The following MAN2B2 variants were observed in gnomAD, a reference collection of about 807,000 sequenced individuals.
MAN2B2 encodes the protein mannosidase alpha class 2B member 2.
Under a neutral mutation model 117.1 loss-of-function variants are expected in MAN2B2, and 106 were observed. The observed-to-expected ratio is 0.90, with a 90% CI of 0.77 to 1.06. The LOEUF (loss-of-function observed/expected upper bound fraction) is 1.06, where lower values mean the gene tolerates loss of function less well. Ranked by LOEUF, MAN2B2 falls within the 50% of genes least tolerant of loss-of-function variation. MAN2B2 has a pLI of 0.00. For synonymous variants in MAN2B2, 544 were observed against 595.1 expected (o/e 0.91, Z 1.25); for missense variants, 1,326 against 1,381.4 (o/e 0.96, Z 0.64).
At chr4:6,614,860 T>C (rs548637706) in intron 16 of MAN2B2, among the ~76,000 whole-genome samples, 1 of 152,336 alleles carries the variant, frequency 6.6e-6, no homozygotes, top group East Asian at 1.9e-4. Context: ...GCGCTTGGTC[T>C]AGAGCAGAAG....
intron 8 of MAN2B2, among the ~76,000 whole-genome samples, chr4:6,597,823 A>G (rs1350366811): frequency 6.6e-6 from 1 of 152,238 alleles, no homozygotes; most frequent in Non-Finnish European, 1.5e-5. Context: ...GACCCAAGAC[A>G]GCCTGTAACT....
chr4:6,586,872 C>T (rs1577276051), intron 3 of MAN2B2, 124 bp from the exon 4 acceptor site: 8 of 774,070 alleles, frequency 1.0e-5, no homozygotes, highest in Non-Finnish European at 1.5e-5. Flanking sequence ...TTCTGCATGA[C>T]CCTGCCTGGC....
In MAN2B2 at chr4:6,594,737, A is replaced by G. The variant is rs200780291; in HGVS notation, c.1057+5A>G. 1.9e-6 allele frequency: 3 copies of G among 1,607,180 alleles called. No individual in the cohort carries two copies. Among genetic ancestry groups the G allele is most frequent in the East Asian group, 2.2e-5 (1 of 44,616 alleles). On this transcript the variant is annotated splice_donor_5th_base_variant and intron_variant, in intron 7 of 18. Transcript: ENST00000285599. Reference sequence around the variant, plus strand: ...ACTTCCTGCCCTATTCCACAGGTACAGGCTTCCAGGGGCTGGGGTGGTAGT... The same window carrying G: ...ACTTCCTGCCCTATTCCACAGGTACGGGCTTCCAGGGGCTGGGGTGGTAGT...
chr4:6,619,857 G>A, intron 17 of MAN2B2, 70 bp from the exon 18 acceptor site: 1 of 1,404,832 alleles, frequency 7.1e-7, no homozygotes, highest in Non-Finnish European at 1.0e-6. Context: ...CTGCCCTGCT[G>A]CTGTCTTGGT....
At chr4:6,579,265 CCA>C (rs1726286876) in intron 3 of MAN2B2, among the ~76,000 whole-genome samples, 1 of 91,698 alleles carries the variant, frequency 1.1e-5, no homozygotes, top group African/African-American at 3.8e-5. Context: ...ATCACCACCA[CCA>C]CCATCACCAC....
chr4:6,606,019 C>T (rs1396420011), intron 11 of MAN2B2, among the ~76,000 whole-genome samples: 2 of 152,246 alleles, frequency 1.3e-5, no homozygotes, highest in African/African-American at 4.8e-5. Flanking sequence ...GTTTATCCTT[C>T]CTAGGCCACG....
At chr4:6,583,308 G>A (rs569734596) in intron 3 of MAN2B2, among the ~76,000 whole-genome samples, 2 of 152,316 alleles carry the variant, frequency 1.3e-5, no homozygotes, top group East Asian at 1.9e-4. Context: ...TTTGCTCCCA[G>A]TCCATTGGCC....
chr4:6,585,024 C>T (rs1408857333), intron 3 of MAN2B2, among the ~76,000 whole-genome samples: 1 of 152,170 alleles, frequency 6.6e-6, no homozygotes, highest in Non-Finnish European at 1.5e-5. Context: ...CTTCATCCTG[C>T]AGCTGGCACT....
chr4:6,609,146 G>C lies in MAN2B2; in HGVS notation c.1854G>C (p.Leu618=). 6.2e-7 allele frequency: 1 copy of C among 1,614,194 alleles called. No homozygotes were observed. Among genetic ancestry groups the C allele is most frequent in the Non-Finnish European group, 8.5e-7 (1 of 1,180,024 alleles). Residue 618 remains leucine (L), a synonymous_variant, in exon 12 of 19, where the codon CTG becomes CTC. Transcript: ENST00000285599. ...NRTVRVTQEF[L]EYHVNGDVKQ... The stretch of plus-strand genomic sequence containing the variant: ...CGGTGCGCGTGACCCAGGAATTCCT[G>C]GAGTACCACGTCAACGGGGATGTGA...
At position 6,620,014 on chromosome 4, in the gene MAN2B2, A is replaced by C. The variant is rs1360121826; in HGVS notation, c.2902A>C (p.Ser968Arg). 6.2e-7 allele frequency: 1 copy of C among 1,613,602 alleles called. No individual in the cohort carries two copies. Among genetic ancestry groups the C allele is most frequent in the South Asian group, 1.1e-5 (1 of 91,054 alleles). The stretch of plus-strand genomic sequence containing the variant: ...GGATTTGAGCATGCTGCACCGCTGG[A>C]GCTGGAGGACGGGGCCTGGCCGCCA... Reference protein sequence around the residue: ...TWDLSMLHRWSWRTGPGRHRG... With the variant: ...TWDLSMLHRWRWRTGPGRHRG... Residue 968 changes from serine (S) to arginine (R), a missense_variant, in exon 18 of 19, where the codon AGC becomes CGC. Transcript: ENST00000285599.
chr4:6,596,062 C>T (rs1727064701), intron 7 of MAN2B2, among the ~76,000 whole-genome samples: 1 of 151,672 alleles, frequency 6.6e-6, no homozygotes, highest in African/African-American at 2.4e-5. Context: ...GTGGGTGTGG[C>T]CACATCTAGC....
intron 3 of MAN2B2, among the ~76,000 whole-genome samples, chr4:6,579,749 CCAT>C (rs1726357829): frequency 6.6e-6 from 1 of 152,214 alleles, no homozygotes. Context: ...ATCACCACCA[CCAT>C]GACCATCTCC....
chr4:6,608,733 G>A (rs986411688), intron 11 of MAN2B2, among the ~76,000 whole-genome samples: 5 of 152,198 alleles, frequency 3.3e-5, no homozygotes, highest in African/African-American at 1.2e-4. Context: ...CATGGGGTCT[G>A]TACACATGGG....
intron 10 of MAN2B2, among the ~76,000 whole-genome samples, chr4:6,600,969 A>G (rs1727304643): frequency 6.6e-6 from 1 of 152,074 alleles, no homozygotes; most frequent in Non-Finnish European, 1.5e-5. Context: ...CCTAAAATCA[A>G]TTCATTCCTG....
chr4:6,617,562 G>C (rs1560103555), intron 17 of MAN2B2, 70 bp downstream of exon 17: 1 of 1,586,784 alleles, frequency 6.3e-7, no homozygotes, highest in South Asian at 1.1e-5. Flanking sequence ...CCAAGAAACT[G>C]CCTTGGCAAA....
At chr4:6,585,275 G>T (rs971550961) in intron 3 of MAN2B2, among the ~76,000 whole-genome samples, 3 of 152,262 alleles carry the variant, frequency 2.0e-5, no homozygotes, top group Admixed American at 2.0e-4. Context: ...CTGAGGCTCA[G>T]CCAGGGTCCC....
Position 6,605,232 on chromosome 4 carries a change from A to G in MAN2B2, c.1717A>G (p.Thr573Ala). Reference protein sequence around the residue: ...LQFGRRLRRRTSHAGRYLVPV... With the variant: ...LQFGRRLRRRASHAGRYLVPV... ...ATTTGGCCGCAGGCTGAGGAGACGCACCAGCCATGCGGGCAGGTACTTGGT... is the reference window on the plus strand; with the variant it reads ...ATTTGGCCGCAGGCTGAGGAGACGCGCCAGCCATGCGGGCAGGTACTTGGT... The change falls in exon 11 of 19, where the codon ACC (threonine) becomes GCC (alanine). Residue 573 changes from threonine to alanine, a missense_variant. Transcript: ENST00000285599. 1 of 1,613,896 alleles carries G rather than the reference A, an allele frequency of 6.2e-7. No homozygotes were observed. Among genetic ancestry groups the G allele is most frequent in the Non-Finnish European group, 8.5e-7 (1 of 1,180,024 alleles).
Position 6,621,593 on chromosome 4 carries a change from G to T in MAN2B2, c.*308G>T, listed in dbSNP as rs1712178198. 7.4e-6 allele frequency: 2 copies of T among 270,766 alleles called. No homozygotes were observed. Among genetic ancestry groups the T allele is most frequent in the Non-Finnish European group, 1.4e-5 (2 of 142,534 alleles). The allele number at this position is 270,766 out of a possible 1,614,324, so 16.8% of individuals were successfully genotyped here. ...ACAAAACACAAACCCAGGACTTTCT[G>T]CCTAAGGCAGAGCACAAGACTCACA... On this transcript the variant is annotated 3_prime_UTR_variant, in exon 19 of 19. Coordinates refer to ENST00000285599, the MANE Select transcript of MAN2B2 (RefSeq NM_015274.3).
chr4:6,579,246 TTCACCACCA>T (rs1726282142), intron 3 of MAN2B2, among the ~76,000 whole-genome samples: 3 of 2,646 alleles, frequency 1.1e-3, no homozygotes, highest in Non-Finnish European at 1.8e-3. Flanking sequence ...ACCACCACCC[TTCACCACCA>T]TCACCACCAC....
Sources: gnomAD v4.1 joint callset for allele counts (sites outside exome capture counted in the v4.1 genomes callset) on GRCh38, gnomAD v4.1.1 for gene constraint, MANE v1.5 for transcripts, NCBI Gene and HGNC (gene_info 2026-07-23, HGNC 2026-07-21) for gene names.